The following OXCT1 variants were observed in gnomAD, a reference collection of about 807,000 sequenced individuals.
OXCT1 encodes succinyl-CoA:3-ketoacid coenzyme A transferase 1, mitochondrial.
In OXCT1, 27 loss-of-function variants were observed where a neutral mutation model predicts 69.6. The observed-to-expected ratio is 0.39, with a 90% CI of 0.29 to 0.54. The LOEUF (loss-of-function observed/expected upper bound fraction) is 0.54. Among genes scored for constraint, OXCT1 ranks in the 20% least tolerant of loss-of-function variants. The probability of loss-of-function intolerance (pLI) is 0.72; values close to 1 mark genes in which losing one functional copy is unlikely to be tolerated. For synonymous variants in OXCT1, 202 were observed against 217.8 expected, an observed-to-expected ratio of 0.93 and a Z score of 0.64; for missense variants, 437 against 650.2, an observed-to-expected ratio of 0.67 and a Z score of 3.57.
intron 14 of OXCT1, 98 bp from the exon 15 acceptor site, chr5:41,749,705 G>T: frequency 2.6e-6 from 2 of 782,968 alleles, no homozygotes; most frequent in Non-Finnish European, 4.4e-6. Flanking sequence ...CAGAGAAATT[G>T]TCTCCTAAGT....
At chr5:41,817,432 T>G (rs992565554) in intron 7 of OXCT1, among the ~76,000 whole-genome samples, 1 of 152,344 alleles carries the variant, frequency 6.6e-6, no homozygotes, top group African/African-American at 2.4e-5. Context: ...GTTAAGTCTA[T>G]ACTAGTTCCT....
intron 5 of OXCT1, among the ~76,000 whole-genome samples, chr5:41,847,573 TTATCCACCATGA>T (rs2112432116): frequency 6.6e-6 from 1 of 151,520 alleles, no homozygotes; most frequent in East Asian, 1.9e-4. Context: ...ATCAAAAAGC[TTATCCACCATGA>T]TCAAGTGGGC....
At chr5:41,820,767 TGTCA>T (rs1305721794) in intron 7 of OXCT1, among the ~76,000 whole-genome samples, 1 of 152,142 alleles carries the variant, frequency 6.6e-6, no homozygotes, top group Non-Finnish European at 1.5e-5. Context: ...TCCCTAGACC[TGTCA>T]ATCAAGATGG....
intron 7 of OXCT1, among the ~76,000 whole-genome samples, chr5:41,813,883 T>A (rs1747104101): frequency 6.6e-6 from 1 of 152,130 alleles, no homozygotes; most frequent in Non-Finnish European, 1.5e-5. Flanking sequence ...CTGGTTGTAG[T>A]AGCAAGAATA....
At chr5:41,823,978 T>C (rs1324079036) in intron 7 of OXCT1, among the ~76,000 whole-genome samples, 1 of 152,196 alleles carries the variant, frequency 6.6e-6, no homozygotes, top group Non-Finnish European at 1.5e-5. Flanking sequence ...CTAAGTTAAC[T>C]GAAAAATTCA....
At chr5:41,780,586 C>CT (rs1745346931) in intron 13 of OXCT1, among the ~76,000 whole-genome samples, 1 of 151,924 alleles carries the variant, frequency 6.6e-6, no homozygotes, top group Non-Finnish European at 1.5e-5. Context: ...TGTAGAGTGT[C>CT]TAAGAATTTT....
intron 7 of OXCT1, among the ~76,000 whole-genome samples, chr5:41,824,160 C>T (rs1017798068): frequency 1.3e-5 from 2 of 152,106 alleles, no homozygotes; most frequent in Non-Finnish European, 2.9e-5. Context: ...TTAACTCTTC[C>T]CCCTACCAAT....
intron 14 of OXCT1, among the ~76,000 whole-genome samples, chr5:41,750,004 G>GT (rs1561360876): frequency 6.6e-6 from 1 of 151,960 alleles, no homozygotes; most frequent in African/African-American, 2.4e-5. Context: ...ACACAAATGC[G>GT]TAAGTCCTCT....
chr5:41,844,867 A>T (rs1459872188), intron 5 of OXCT1, among the ~76,000 whole-genome samples: 2 of 146,420 alleles, frequency 1.4e-5, no homozygotes, highest in Non-Finnish European at 3.0e-5. Flanking sequence ...TGGTCTAGCC[A>T]CCTTCCATTC....
chr5:41,819,505 G>T (rs918197318), intron 7 of OXCT1, among the ~76,000 whole-genome samples: 1 of 151,946 alleles, frequency 6.6e-6, no homozygotes, highest in African/African-American at 2.4e-5. Flanking sequence ...TGAGTAGCTG[G>T]GATTACAGGC....
chr5:41,853,218 A>AT (rs1218671492), intron 4 of OXCT1, among the ~76,000 whole-genome samples: 1 of 152,206 alleles, frequency 6.6e-6, no homozygotes, highest in African/African-American at 2.4e-5. Flanking sequence ...TATCTTTTAG[A>AT]AATATCTCTT....
chr5:41,731,459 C>G lies in OXCT1; in HGVS notation c.*270G>C, dbSNP rs760590648. On this transcript the variant is annotated 3_prime_UTR_variant, in exon 17 of 17. Transcript: ENST00000196371. ...TATAATTTAGCATACATACCATATT[C>G]AGTGAAAATGCATTCAATATAATTA... The G allele has an allele frequency of 2.7e-5, 26 of 946,392 alleles. No homozygotes were observed. Among genetic ancestry groups the G allele is most frequent in the Non-Finnish European group, 3.5e-5 (25 of 707,890 alleles). 58.6% of individuals were successfully genotyped at this position (946,392 alleles called of 1,614,324 possible).
At chr5:41,794,127 C>A in intron 12 of OXCT1, 49 bp from the exon 13 acceptor site, 1 of 1,417,468 alleles carries the variant, frequency 7.1e-7, no homozygotes, top group South Asian at 1.1e-5. Context: ...GCTTTTGTCC[C>A]CTTTGCTTGA....
chr5:41,807,873 T>C (rs935837726), intron 7 of OXCT1, among the ~76,000 whole-genome samples: 28 of 152,076 alleles, frequency 1.8e-4, no homozygotes, highest in Non-Finnish European at 5.9e-5. Flanking sequence ...GCTTGGTCAA[T>C]TGAAGAGCTT....
chr5:41,796,072 G>A (rs1293826996), intron 11 of OXCT1, among the ~76,000 whole-genome samples: 3 of 151,994 alleles, frequency 2.0e-5, no homozygotes, highest in African/African-American at 7.2e-5. Flanking sequence ...GGAATAACAT[G>A]GTAATACTGG....
chr5:41,816,085 A>G (rs1422303456), intron 7 of OXCT1, among the ~76,000 whole-genome samples: 1 of 152,208 alleles, frequency 6.6e-6, no homozygotes, highest in Non-Finnish European at 1.5e-5. Flanking sequence ...ATTTGAATTC[A>G]GCATGAGGAT....
chr5:41,825,282 C>T (rs1289617231), intron 7 of OXCT1, among the ~76,000 whole-genome samples: 1 of 152,112 alleles, frequency 6.6e-6, no homozygotes, highest in Non-Finnish European at 1.5e-5. Context: ...GTGGCAGAAA[C>T]ACTGTGTATT....
At chr5:41,819,741 G>T (rs746729835) in intron 7 of OXCT1, among the ~76,000 whole-genome samples, 5 of 150,228 alleles carry the variant, frequency 3.3e-5, no homozygotes, top group Non-Finnish European at 5.9e-5. Context: ...AATCATGACT[G>T]TAAGTTTTAG....
chr5:41,833,844 T>C (rs572520918), intron 7 of OXCT1, among the ~76,000 whole-genome samples: 3 of 152,068 alleles, frequency 2.0e-5, no homozygotes, highest in African/African-American at 4.8e-5. Context: ...GTAGATCACC[T>C]GAGGTCAGGA....
Sources: allele counts gnomAD v4.1 joint callset (sites outside exome capture counted in the v4.1 genomes callset), GRCh38; gene constraint gnomAD v4.1.1; transcripts MANE v1.5; gene names NCBI Gene and HGNC (gene_info 2026-07-23, HGNC 2026-07-21).